Variants in NOTCH1 observed in about 807,000 individuals in gnomAD.
NOTCH1 encodes neurogenic locus notch homolog protein 1.
In NOTCH1, 37 loss-of-function variants were observed where a neutral mutation model predicts 254.8. The ratio of observed to expected loss-of-function variants is 0.15; its 90% CI spans 0.11 to 0.19. The LOEUF (loss-of-function observed/expected upper bound fraction) is 0.19. Ranked by LOEUF, NOTCH1 falls within the 10% of genes least tolerant of loss-of-function variation. The pLI, the probability that NOTCH1 is intolerant of heterozygous loss-of-function variation, is 1.00. For missense variants in NOTCH1, 2,972 were observed against 3,708.6 expected, an observed-to-expected ratio of 0.80 and a Z score of 5.16; for synonymous variants, 1,731 against 1,618.1, an observed-to-expected ratio of 1.07 and a Z score of -1.68.
intron 19 of NOTCH1, 51 bp downstream of exon 19, chr9:136,508,819 G>GCACC: frequency 1.3e-6 from 2 of 1,500,566 alleles, no homozygotes; most frequent in Non-Finnish European, 9.0e-7. Flanking sequence ...CCGCAGGTAG[G>GCACC]CACCCACCCA....
At chr9:136,533,645 G>A (rs1317134462) in intron 2 of NOTCH1, among the ~76,000 whole-genome samples, 1 of 152,246 alleles carries the variant, frequency 6.6e-6, no homozygotes, top group East Asian at 1.9e-4. Flanking sequence ...CTGAGCTGCT[G>A]CCTCCCGCAG....
chr9:136,545,708 G>T lies in NOTCH1; in HGVS notation c.61+18C>A. The T allele has an allele frequency of 1.4e-6, 2 of 1,442,130 alleles. No homozygotes were observed. The highest frequency in any genetic ancestry group is 1.8e-6 in the Non-Finnish European group (2 of 1,103,002). The allele number at this position is 1,442,130 out of a possible 1,614,324, so 89.3% of individuals were successfully genotyped here. A position where few individuals can be genotyped will look rare whatever the true frequency, so the allele number is the denominator to read the frequency against. On this transcript the variant is annotated intron_variant, in intron 1 of 33. Coordinates refer to ENST00000651671, the MANE Select transcript of NOTCH1 (RefSeq NM_017617.5). This position sits in a 1 kb window ranked among gnomAD's most constrained non-coding sequence, Gnocchi z 6.8. ...AAGGGCGCGGAAAGTGGGGGCTCGC[G>T]GGTGGGTGGGCGCCTACCTCGTGCG...
chr9:136,517,205 G>T, intron 9 of NOTCH1, 67 bp downstream of exon 9: 3 of 1,027,960 alleles, frequency 2.9e-6, no homozygotes, highest in Non-Finnish European at 4.4e-6. Context: ...CACAACCCAC[G>T]CCCAGGCACC....
At chr9:136,538,946 C>T (rs1843694003) in intron 2 of NOTCH1, among the ~76,000 whole-genome samples, 1 of 152,246 alleles carries the variant, frequency 6.6e-6, no homozygotes, top group South Asian at 2.1e-4. Context: ...CTCCCCACAG[C>T]AAAAGGGTGC....
intron 5 of NOTCH1, among the ~76,000 whole-genome samples, chr9:136,519,100 C>G (rs1564200564): frequency 6.6e-6 from 1 of 152,374 alleles, no homozygotes; most frequent in South Asian, 2.1e-4. Context: ...TCTGTTCATC[C>G]AGGCATCCCT....
At position 136,504,355 on chromosome 9, in the gene NOTCH1, A is replaced by C. The variant is rs116478678; in HGVS notation, c.5018+318T>G. Among the ~76,000 whole-genome samples, 926 of 152,316 alleles carry C rather than the reference A, an allele frequency of 6.1e-3. 9 individuals carry two copies. Among genetic ancestry groups the C allele is most frequent in the African/African-American group, 0.021 (882 of 41,564 alleles). Reference sequence around the variant, plus strand: ...CCTGGCAGAGGGCTGAGTTTTAATCAGTGTAGTATCCAGTGCCTAAGGCAC... The same window carrying C: ...CCTGGCAGAGGGCTGAGTTTTAATCCGTGTAGTATCCAGTGCCTAAGGCAC... On this transcript the variant is annotated intron_variant, in intron 26 of 33. Coordinates refer to ENST00000651671, the MANE Select transcript of NOTCH1 (RefSeq NM_017617.5).
chr9:136,519,558 G>A lies in NOTCH1; in HGVS notation c.750C>T (p.Thr250=), dbSNP rs375772590. 3.2e-5 allele frequency: 51 copies of A among 1,612,814 alleles called. No homozygotes were observed. In the South Asian group the frequency reaches 4.2e-4, roughly 13 times the overall value. Residue 250 remains threonine (T), a synonymous_variant, in exon 5 of 34, where the codon ACC becomes ACT. Coordinates refer to ENST00000651671, the MANE Select transcript of NOTCH1 (RefSeq NM_017617.5). ...THECACLPGF[T]GQNCEENIDD... ...CGATATTTTCCTCACAGTTCTGGCC[G>A]GTGAAGCCTGCCGCAAGAGGGGCCG...
At position 136,523,869 on chromosome 9, in the gene NOTCH1, T is replaced by G. The variant is rs2133379466; in HGVS notation, c.251A>C (p.Asp84Ala). The G allele has an allele frequency of 6.2e-7, 1 of 1,611,116 alleles. No individual in the cohort carries two copies. ...CHVVDRRGVADYACSCALGFS... is the reference protein window; with the variant it reads ...CHVVDRRGVAAYACSCALGFS... ...GCCCAGGGCACAGCTGCAGGCATAG[T>G]CTGCCACGCCTCTGCGGTCCACCAC... Residue 84 changes from aspartate (D) to alanine (A), a missense_variant, in exon 3 of 34, where the codon GAC (aspartate) becomes GCC (alanine). Transcript: ENST00000651671.
At position 136,504,854 on chromosome 9, in the gene NOTCH1, G is replaced by A. The variant is rs2133336481; in HGVS notation, c.4837C>T (p.Gln1613Ter). The change falls in exon 26 of 34, where the codon CAG becomes TAG. Residue 1613 changes from glutamine (Q) to a stop codon, truncating the protein, a stop_gained. Coordinates refer to ENST00000651671, the MANE Select transcript of NOTCH1 (RefSeq NM_017617.5). LOFTEE classifies it high-confidence loss of function. ...NVVFKRDAHG[Q>*]QMIFPYYGRE... ...CCGTAGTAGGGGAAGATCATCTGCT[G>A]GCCGTGTGCGTCACGCTTGAAGACC... 1 of 1,581,716 alleles carries A rather than the reference G, an allele frequency of 6.3e-7. No homozygotes were observed.
Position 136,506,645 on chromosome 9 carries a change from G to A in NOTCH1, c.3902-6C>T, listed in dbSNP as rs1226411358. On this transcript the variant is annotated splice_region_variant and splice_polypyrimidine_tract_variant and intron_variant, in intron 23 of 33. Coordinates refer to ENST00000651671, the MANE Select transcript of NOTCH1 (RefSeq NM_017617.5). This position sits in a 1 kb window ranked among gnomAD's most constrained non-coding sequence, Gnocchi z 4.5. ...GACGGACTCGCAGCGGCGCCCTAGG[G>A]GTAAGAGCAGGGCAGTGAGAGGCTC... is the stretch of plus-strand genomic sequence containing the variant. The A allele has an allele frequency of 2.5e-6, 4 of 1,603,108 alleles. No individual in the cohort carries two copies. The highest frequency in any genetic ancestry group is 1.1e-5 in the South Asian group (1 of 89,458).
At chr9:136,511,069 T>C in intron 16 of NOTCH1, 83 bp downstream of exon 16, 11 of 1,602,242 alleles carry the variant, frequency 6.9e-6, no homozygotes, top group Admixed American at 1.7e-5. Flanking sequence ...CAAAGACTCA[T>C]CTAGCCTGCC....
At position 136,506,703 on chromosome 9, in the gene NOTCH1, G is replaced by C. The variant is rs2133343079; in HGVS notation, c.3901+13C>G. On this transcript the variant is annotated intron_variant, in intron 23 of 33. Coordinates refer to ENST00000651671, the MANE Select transcript of NOTCH1 (RefSeq NM_017617.5). The surrounding 1 kb of genome is among the most constrained non-coding windows in gnomAD (Gnocchi z 4.5). ...TGCCCCACACGCCCCACCCGCCTGG[G>C]CGCGGCACCCACCGGTGTGACCAGC... The C allele has an allele frequency of 6.3e-7, 1 of 1,596,862 alleles. No homozygotes were observed. The highest frequency in any genetic ancestry group is 8.5e-7 in the Non-Finnish European group (1 of 1,172,572).
rs2133333177 is a variant in NOTCH1, at chr9:136,503,204, G to C, written c.5145C>G (p.Pro1715=). 6.2e-7 allele frequency: 1 copy of C among 1,612,906 alleles called. No individual in the cohort carries two copies. The highest frequency in any genetic ancestry group is 8.5e-7 in the Non-Finnish European group (1 of 1,180,012). ...ALASLGSLNI[P]YKIEAVQSET... is the part of the protein sequence containing the mutation. Reference sequence around the variant, plus strand: ...TACTCTGCACGGCCTCGATCTTGTAGGGGATGTTGAGGCTGCCCAGCGAGG... The same window carrying C: ...TACTCTGCACGGCCTCGATCTTGTACGGGATGTTGAGGCTGCCCAGCGAGG... The change falls in exon 27 of 34, where the codon CCC becomes CCG. Residue 1715 remains proline, a synonymous_variant. Coordinates refer to ENST00000651671, the MANE Select transcript of NOTCH1 (RefSeq NM_017617.5).
At chr9:136,531,271 T>C (rs1843554282) in intron 2 of NOTCH1, among the ~76,000 whole-genome samples, 1 of 152,190 alleles carries the variant, frequency 6.6e-6, no homozygotes, top group South Asian at 2.1e-4. Context: ...ATGGGCCCAT[T>C]TCACAGGTGA....
chr9:136,521,001 A>ACCCCAAATCCCAGCCAGTTC (rs1321124241), intron 4 of NOTCH1, among the ~76,000 whole-genome samples: 5 of 151,674 alleles, frequency 3.3e-5, no homozygotes, highest in Admixed American at 6.6e-5. Context: ...AGGCTGTGCG[A>ACCCCAAATCCCAGCCAGTTC]CCCCAAATCC....
At position 136,509,888 on chromosome 9, in the gene NOTCH1, C is replaced by T. The variant is rs2133351083; in HGVS notation, c.2814G>A (p.Arg938=). The part of the protein sequence containing the change: ...TAFCDCLPGF[R]GTFCEEDINE... ...TGATGTCCTCCTCACAGAAAGTGCC[C>T]CGGAAGCCGGGCAGGCAGTCGCAGA... Residue 938 remains arginine (R), a synonymous_variant, in exon 18 of 34, where the codon CGG becomes CGA. Coordinates refer to ENST00000651671, the MANE Select transcript of NOTCH1 (RefSeq NM_017617.5). 1 of 1,613,198 alleles carries T rather than the reference C, an allele frequency of 6.2e-7. No homozygotes were observed. Among genetic ancestry groups the T allele is most frequent in the Non-Finnish European group, 8.5e-7 (1 of 1,180,006 alleles).
At chr9:136,530,241 T>C (rs1356829517) in intron 2 of NOTCH1, among the ~76,000 whole-genome samples, 2 of 152,200 alleles carry the variant, frequency 1.3e-5, no homozygotes, top group African/African-American at 4.8e-5. Flanking sequence ...CCCAGCTCTT[T>C]TGTCTGCAAA....
Position 136,505,074 on chromosome 9 carries a change from G to A in NOTCH1, c.4617C>T (p.His1539=). Residue 1539 remains histidine, a synonymous_variant, in exon 26 of 34, where the codon CAC becomes CAT. Coordinates refer to ENST00000651671, the MANE Select transcript of NOTCH1 (RefSeq NM_017617.5). ...CCTGGTCGCAGTGCCCGTCGCTGAA[G>A]TGGTCCTTGCAGTACTGGTCGTACA... ...NPLYDQYCKD[H]FSDGHCDQGC... is the part of the protein sequence containing the mutation. 1.2e-6 allele frequency: 2 copies of A among 1,610,952 alleles called. No homozygotes were observed. The highest frequency in any genetic ancestry group is 1.7e-6 in the Non-Finnish European group (2 of 1,179,718).
chr9:136,535,400 G>C (rs938237205), intron 2 of NOTCH1, among the ~76,000 whole-genome samples: 5 of 152,010 alleles, frequency 3.3e-5, no homozygotes, highest in East Asian at 3.9e-4. Context: ...GCCTGTGAGT[G>C]GGGGGTTCAG....
Sources: gnomAD v4.1 joint callset for allele counts (sites outside exome capture counted in the v4.1 genomes callset) on GRCh38, gnomAD v4.1.1 for gene constraint, Gnocchi (gnomAD v3.1) non-coding constraint, MANE v1.5 for transcripts, NCBI Gene and HGNC (gene_info 2026-07-23, HGNC 2026-07-21) for gene names.